The following SEMA5A variants were observed in gnomAD, a reference collection of about 807,000 sequenced individuals.
SEMA5A encodes semaphorin 5A, also known as semaphorin-5A.
A neutral mutation model predicts 135.5 loss-of-function variants in SEMA5A; 55 were observed. The ratio of observed to expected loss-of-function variants is 0.41; its 90% confidence interval spans 0.33 to 0.51. The LOEUF (loss-of-function observed/expected upper bound fraction) is 0.51, where lower values mean the gene tolerates loss of function less well. SEMA5A is among the 20% of genes least tolerant of loss of function. SEMA5A has a pLI of 0.37. For missense variants in SEMA5A, 1,290 were observed against 1,419.9 expected (o/e 0.91, Z 1.47); for synonymous variants, 580 against 546.5 (o/e 1.06, Z -0.85).
chr5:9,407,471 C>A (rs113944439), intron 2 of SEMA5A, among the ~76,000 whole-genome samples: 1 of 152,184 alleles, frequency 6.6e-6, no homozygotes, highest in Non-Finnish European at 1.5e-5. Context: ...AAGGACAGCA[C>A]AGTTTGGTAA....
intron 5 of SEMA5A, among the ~76,000 whole-genome samples, chr5:9,246,417 T>C (rs1748484588): frequency 6.6e-6 from 1 of 152,192 alleles, no homozygotes; most frequent in South Asian, 2.1e-4. Flanking sequence ...ATTGATTGCA[T>C]CTAATGTTAT....
intron 1 of SEMA5A, among the ~76,000 whole-genome samples, chr5:9,489,476 G>T (rs779625111): frequency 5.3e-5 from 8 of 152,284 alleles, no homozygotes; most frequent in Non-Finnish European, 7.4e-5. Flanking sequence ...CACCCACAGG[G>T]ATGGCGGTAA....
chr5:9,230,641 G>A (rs1051307735), intron 6 of SEMA5A, among the ~76,000 whole-genome samples: 2 of 152,170 alleles, frequency 1.3e-5, no homozygotes, highest in South Asian at 2.1e-4. Context: ...GGAGGAAGAT[G>A]TCAGGGATCC....
At position 9,202,259 on chromosome 5, in the gene SEMA5A, A is replaced by G. The variant is rs1406956508; in HGVS notation, c.647-19T>C. The G allele has an allele frequency of 1.9e-6, 3 of 1,606,420 alleles. No homozygotes were observed. Among genetic ancestry groups the G allele is most frequent in the African/African-American group, 2.7e-5 (2 of 74,740 alleles). The stretch of plus-strand genomic sequence containing the variant: ...TTTGGCTCTGGAAACAATAGAAAAG[A>G]GGGAAAAAATCTCAACATTCATGTC... On this transcript the variant is annotated intron_variant, in intron 8 of 22. Coordinates refer to ENST00000382496, the MANE Select transcript of SEMA5A (RefSeq NM_003966.3).
At chr5:9,243,531 A>G (rs974449917) in intron 5 of SEMA5A, among the ~76,000 whole-genome samples, 2 of 152,164 alleles carry the variant, frequency 1.3e-5, no homozygotes, top group Admixed American at 1.3e-4. Flanking sequence ...GCATGGCATA[A>G]GAGATTTGGA....
intron 2 of SEMA5A, among the ~76,000 whole-genome samples, chr5:9,426,432 T>TAAAATAAAATAAAATAAA (rs1554034269): frequency 8.3e-6 from 1 of 121,050 alleles, no homozygotes; most frequent in Non-Finnish European, 1.7e-5. Flanking sequence ...CTCAAAAAAA[T>TAAAATAAAATAAAATAAA]AAATAAAATA....
chr5:9,493,376 A>G (rs1735132731), intron 1 of SEMA5A, among the ~76,000 whole-genome samples: 1 of 151,692 alleles, frequency 6.6e-6, no homozygotes, highest in Non-Finnish European at 1.5e-5. Context: ...GTACAATCCT[A>G]CACTTATACA....
chr5:9,253,396 T>C (rs762901606), intron 5 of SEMA5A, among the ~76,000 whole-genome samples: 1 of 152,172 alleles, frequency 6.6e-6, no homozygotes, highest in Non-Finnish European at 1.5e-5. Context: ...AGGATTATTG[T>C]AGCTGTGAAA....
At chr5:9,078,558 T>C (rs78695831) in intron 16 of SEMA5A, among the ~76,000 whole-genome samples, 1 of 150,936 alleles carries the variant, frequency 6.6e-6, no homozygotes, top group Admixed American at 6.6e-5. Context: ...TGGTCTGCCT[T>C]CTGACCAGAA....
At chr5:9,453,789 A>T (rs1758734262) in intron 1 of SEMA5A, among the ~76,000 whole-genome samples, 1 of 152,162 alleles carries the variant, frequency 6.6e-6, no homozygotes, top group Non-Finnish European at 1.5e-5. Context: ...CATGCTCTCA[A>T]TGATAAGAAG....
intron 5 of SEMA5A, among the ~76,000 whole-genome samples, chr5:9,257,662 C>T (rs1196239733): frequency 3.3e-5 from 5 of 152,050 alleles, no homozygotes; most frequent in South Asian, 2.1e-4. Flanking sequence ...AAATAGATGA[C>T]GTCCCCTTAC....
chr5:9,310,802 C>CATATATATATATATATATATATATATAT (rs59096330), intron 5 of SEMA5A, among the ~76,000 whole-genome samples: 41 of 146,226 alleles, frequency 2.8e-4, no homozygotes, highest in African/African-American at 8.7e-4. Context: ...TGCATATATA[C>CATATATATATATATATATATATATATAT]ATATATATAT....
At chr5:9,347,301 C>T (rs1341847969) in intron 3 of SEMA5A, among the ~76,000 whole-genome samples, 2 of 152,186 alleles carry the variant, frequency 1.3e-5, no homozygotes, top group Non-Finnish European at 2.9e-5. Flanking sequence ...TGCATTAACA[C>T]ATAGTATACC....
intron 13 of SEMA5A, among the ~76,000 whole-genome samples, chr5:9,128,779 G>T (rs1741249820): frequency 6.6e-6 from 1 of 152,102 alleles, no homozygotes; most frequent in Non-Finnish European, 1.5e-5. Context: ...TGAAGCACTG[G>T]TCTTCCTTTT....
At chr5:9,168,347 G>A (rs1743726158) in intron 11 of SEMA5A, among the ~76,000 whole-genome samples, 1 of 152,164 alleles carries the variant, frequency 6.6e-6, no homozygotes, top group Admixed American at 6.5e-5. Flanking sequence ...TCTAGGATTT[G>A]ACCAACAATA....
At chr5:9,292,285 T>A (rs1751123731) in intron 5 of SEMA5A, among the ~76,000 whole-genome samples, 1 of 152,204 alleles carries the variant, frequency 6.6e-6, no homozygotes, top group Non-Finnish European at 1.5e-5. Context: ...ACACGGTAGT[T>A]ACCAGTATAT....
Position 9,041,365 on chromosome 5 carries a change from C to T in SEMA5A, c.*1532G>A, listed in dbSNP as rs551251362. On this transcript the variant is annotated 3_prime_UTR_variant, in exon 23 of 23. Coordinates refer to ENST00000382496, the MANE Select transcript of SEMA5A (RefSeq NM_003966.3). Reference sequence around the variant, plus strand: ...GTAAGAACACGTTTCCGTGTCTACCCAGGACTTTATCACATGCTCAGAGGC... The same window carrying T: ...GTAAGAACACGTTTCCGTGTCTACCTAGGACTTTATCACATGCTCAGAGGC... 2 of 152,278 alleles carry T rather than the reference C, an allele frequency of 1.3e-5. No individual in the cohort carries two copies. The highest frequency in any genetic ancestry group is 3.9e-4 in the East Asian group (2 of 5,186). The allele number at this position is 152,278 out of a possible 1,614,324, so 9.4% of individuals were successfully genotyped here.
chr5:9,294,373 G>A (rs1294254169), intron 5 of SEMA5A, among the ~76,000 whole-genome samples: 1 of 152,262 alleles, frequency 6.6e-6, no homozygotes, highest in East Asian at 1.9e-4. Flanking sequence ...GTCCAAAAAT[G>A]GGGCAGGGGA....
intron 2 of SEMA5A, among the ~76,000 whole-genome samples, chr5:9,420,404 C>G (rs1036793786): frequency 6.6e-6 from 1 of 152,064 alleles, no homozygotes; most frequent in Admixed American, 6.5e-5. Context: ...ACACAGGGAG[C>G]CTTTTTGACT....
Sources: gnomAD v4.1 joint callset for allele counts (sites outside exome capture counted in the v4.1 genomes callset) on GRCh38, gnomAD v4.1.1 for gene constraint, MANE v1.5 for transcripts, NCBI Gene and HGNC (gene_info 2026-07-23, HGNC 2026-07-21) for gene names.